The following SQOR variants were observed in gnomAD, a reference collection of about 807,000 sequenced individuals.
The protein encoded by SQOR is sulfide quinone oxidoreductase.
SQOR carries 39 observed loss-of-function variants against 48.6 expected under a neutral mutation model. The ratio of observed to expected loss-of-function variants is 0.80; its 90% CI spans 0.62 to 1.05. The LOEUF (loss-of-function observed/expected upper bound fraction) is 1.05, where lower values mean the gene tolerates loss of function less well. Ranked by LOEUF, SQOR falls within the 50% of genes least tolerant of loss-of-function variation. The pLI, the probability that SQOR is intolerant of heterozygous loss-of-function variation, is 0.00. For synonymous variants in SQOR, 220 were observed against 206.2 expected (o/e 1.07, Z -0.57); for missense variants, 561 against 559.9 (o/e 1.00, Z -0.02).
rs567557671 is a variant in SQOR, at chr15:45,674,926, C to T, written c.654+1125C>T. 7.2e-5 allele frequency among the ~76,000 whole-genome samples: 11 copies of T among 152,240 alleles called. No individual in the cohort carries two copies. The East Asian group carries it at 2.1e-3, about 29-fold the overall frequency. ...GGGAAGAAGGGTGGGGAAGAACGGG[C>T]TGGGGAGTGGTTGAATGTGCTCATG... On this transcript the variant is annotated intron_variant, in intron 5 of 9. Coordinates refer to ENST00000260324, the MANE Select transcript of SQOR (RefSeq NM_021199.4).
chr15:45,664,584 G>A lies in SQOR; in HGVS notation c.405+2459G>A, dbSNP rs7181021. On this transcript the variant is annotated intron_variant, in intron 3 of 9. Coordinates refer to ENST00000260324, the MANE Select transcript of SQOR (RefSeq NM_021199.4). ...GGAAAGAAGGCAACTTTACAGAACA[G>A]CCCAGAATAGCGTGGAGCCATTCTC... Among the ~76,000 whole-genome samples the A allele has an allele frequency of 7.7e-3, 1,178 of 152,202 alleles. 16 individuals carry two copies. Among genetic ancestry groups the A allele is most frequent in the African/African-American group, 0.027 (1,133 of 41,484 alleles).
At chr15:45,652,330 A>C (rs1889508456) in intron 1 of SQOR, among the ~76,000 whole-genome samples, 1 of 150,722 alleles carries the variant, frequency 6.6e-6, no homozygotes, top group African/African-American at 2.4e-5. Flanking sequence ...TCTTCCATTG[A>C]GTGATTGATT....
chr15:45,633,918 T>C (rs1595567504), upstream of SQOR, among the ~76,000 whole-genome samples: 1 of 151,626 alleles, frequency 6.6e-6, no homozygotes, highest in Non-Finnish European at 1.5e-5. Context: ...CTCACGCCTG[T>C]AATCCCAGCA....
chr15:45,687,854 A>G (rs1890250745), intron 7 of SQOR, among the ~76,000 whole-genome samples: 1 of 152,176 alleles, frequency 6.6e-6, no homozygotes, highest in South Asian at 2.1e-4. Context: ...CCACAGATCT[A>G]TATCTATATC....
At chr15:45,646,163 G>C (rs151223533) in intron 1 of SQOR, among the ~76,000 whole-genome samples, 1 of 152,126 alleles carries the variant, frequency 6.6e-6, no homozygotes. Flanking sequence ...CTGCTTAGAG[G>C]CCGGCCCCTC....
At chr15:45,668,487 A>G (rs1052816307) in intron 3 of SQOR, among the ~76,000 whole-genome samples, 2 of 152,164 alleles carry the variant, frequency 1.3e-5, no homozygotes, top group African/African-American at 4.8e-5. Context: ...AGTGCTAGGA[A>G]GCCTCATGCA....
At chr15:45,670,731 T>C (rs1433028591) in intron 4 of SQOR, among the ~76,000 whole-genome samples, 3 of 152,178 alleles carry the variant, frequency 2.0e-5, no homozygotes, top group Non-Finnish European at 4.4e-5. Context: ...TGAAGTGTGT[T>C]GAATTGTGTC....
At chr15:45,685,687 A>G (rs1890210424) in intron 7 of SQOR, among the ~76,000 whole-genome samples, 1 of 151,992 alleles carries the variant, frequency 6.6e-6, no homozygotes, top group South Asian at 2.1e-4. Context: ...CTCCTTTTCC[A>G]TTGGCCTTGA....
At chr15:45,688,462 G>A (rs1400223622) in intron 8 of SQOR, 58 bp downstream of exon 8, 34 of 1,292,188 alleles carry the variant, frequency 2.6e-5, no homozygotes, top group Non-Finnish European at 3.5e-5. Context: ...CTGTGTAAAA[G>A]TAGTGTTTTC....
chr15:45,672,701 A>G (rs1261199435), intron 4 of SQOR, among the ~76,000 whole-genome samples: 1 of 152,214 alleles, frequency 6.6e-6, no homozygotes, highest in Non-Finnish European at 1.5e-5. Flanking sequence ...ATTGCACTCT[A>G]CGAGCCTTCT....
chr15:45,668,327 C>G (rs761672009), intron 3 of SQOR, among the ~76,000 whole-genome samples: 2 of 152,200 alleles, frequency 1.3e-5, no homozygotes, highest in Non-Finnish European at 2.9e-5. Flanking sequence ...GTACTTTTCA[C>G]AAGCAACTGA....
At chr15:45,669,235 T>C (rs1025081455) in intron 3 of SQOR, among the ~76,000 whole-genome samples, 1 of 151,872 alleles carries the variant, frequency 6.6e-6, no homozygotes, top group Non-Finnish European at 1.5e-5. Context: ...AGTGGTGTGA[T>C]CTCTGCTCAC....
At chr15:45,666,084 G>A (rs143579011) in intron 3 of SQOR, among the ~76,000 whole-genome samples, 1 of 152,210 alleles carries the variant, frequency 6.6e-6, no homozygotes, top group Non-Finnish European at 1.5e-5. Flanking sequence ...CCTTGTTCCT[G>A]CTCCTGCCAT....
upstream of SQOR, among the ~76,000 whole-genome samples, chr15:45,634,198 CTATATATA>C (rs60889862): frequency 7.8e-4 from 34 of 43,864 alleles, 3 homozygotes; most frequent in East Asian, 3.3e-3. Flanking sequence ...ACAACAACAA[CTATATATA>C]TATATATATA....
At chr15:45,634,218 A>G (rs1458635188), upstream of SQOR, among the ~76,000 whole-genome samples, 1 of 129,570 alleles carries the variant, frequency 7.7e-6, no homozygotes, top group Admixed American at 7.7e-5. Flanking sequence ...ATATATATAT[A>G]TATATATTCA....
chr15:45,638,553 T>C (rs1435991361), intron 1 of SQOR, among the ~76,000 whole-genome samples: 7 of 152,024 alleles, frequency 4.6e-5, no homozygotes, highest in Non-Finnish European at 8.8e-5. Context: ...AGGAACCCCG[T>C]CTCTACTAAA....
Position 45,676,264 on chromosome 15 carries a change from C to T in SQOR, c.818C>T (p.Ala273Val), listed in dbSNP as rs1305668459. The change falls in exon 6 of 10, where the codon GCT (alanine) becomes GTT (valine). Residue 273 changes from alanine to valine, a missense_variant. By Grantham distance (64) the Ala-to-Val change is moderately conservative. Transcript: ENST00000260324. ...LIEVRADKQE[A>V]VFENLDKPGE... is the part of the protein sequence containing the mutation. ...GAAGTCCGAGCCGATAAACAAGAGG[C>T]TGTATTTGAGAACCTGGACAAACCA... 1.2e-6 allele frequency: 2 copies of T among 1,614,078 alleles called. No individual in the cohort carries two copies. Among genetic ancestry groups the T allele is most frequent in the Non-Finnish European group, 8.5e-7 (1 of 1,179,988 alleles).
intron 3 of SQOR, among the ~76,000 whole-genome samples, chr15:45,664,119 G>T (rs1233324330): frequency 1.3e-5 from 2 of 152,148 alleles, no homozygotes; most frequent in African/African-American, 4.8e-5. Context: ...TTTAAAATAG[G>T]TTGGTATTTA....
intron 1 of SQOR, among the ~76,000 whole-genome samples, chr15:45,653,368 T>C (rs1170863718): frequency 6.6e-6 from 1 of 151,706 alleles, no homozygotes; most frequent in African/African-American, 2.4e-5. Flanking sequence ...CTAGAACTAC[T>C]CAAAGAACTC....
Sources: gnomAD v4.1 joint callset for allele counts (sites outside exome capture counted in the v4.1 genomes callset) on GRCh38, gnomAD v4.1.1 for gene constraint, MANE v1.5 for transcripts, NCBI Gene and HGNC (gene_info 2026-07-23, HGNC 2026-07-21) for gene names.